DDX25: variants seen among roughly 807,000 people sequenced by gnomAD.
DDX25 encodes ATP-dependent RNA helicase DDX25.
DDX25 carries 70 observed loss-of-function variants against 64.6 expected under a neutral mutation model. The ratio of observed to expected loss-of-function variants is 1.08; its 90% CI spans 0.89 to 1.32. DDX25 has a LOEUF of 1.32. DDX25 is among the 40% of genes most tolerant of loss of function. The probability of loss-of-function intolerance (pLI) is 0.00; values close to 1 mark genes in which losing one functional copy is unlikely to be tolerated. For missense variants in DDX25, 587 were observed against 604.4 expected (o/e 0.97, Z 0.30); for synonymous variants, 211 against 213.3 (o/e 0.99, Z 0.09).
chr11:125,917,865 A>G (rs897683295), intron 9 of DDX25, among the ~76,000 whole-genome samples: 6 of 151,980 alleles, frequency 3.9e-5, no homozygotes, highest in Admixed American at 6.6e-5. Context: ...GTCTGTTTTT[A>G]ATTTTTAATT....
At chr11:125,917,782 A>G (rs139601384) in intron 9 of DDX25, among the ~76,000 whole-genome samples, 2,211 of 152,316 alleles carry the variant, frequency 0.015, 37 homozygotes, top group Middle Eastern at 0.048. Flanking sequence ...AATAAAAGAA[A>G]GCTCAGCTCT....
In DDX25 at chr11:125,923,911, A is replaced by G. The variant is rs999635218; in HGVS notation, c.*1030A>G. 6.6e-5 allele frequency: 10 copies of G among 152,108 alleles called. No homozygotes were observed. The highest frequency in any genetic ancestry group is 1.3e-4 in the Admixed American group (2 of 15,264). 9.4% of individuals were successfully genotyped at this position (152,108 alleles called of 1,614,324 possible). ...TGGTTCCTGGCATATCTATTTTGAT[A>G]TCCCTCTTCCATGTCACCCTGCCCA... On this transcript the variant is annotated 3_prime_UTR_variant, in exon 12 of 12. Transcript: ENST00000263576.
chr11:125,922,851 C>T lies in DDX25; in HGVS notation c.1422C>T (p.Asp474=). 6.2e-7 allele frequency: 1 copy of T among 1,609,804 alleles called. No individual in the cohort carries two copies. The highest frequency in any genetic ancestry group is 8.5e-7 in the Non-Finnish European group (1 of 1,177,754). Reference sequence around the variant, plus strand: ...GTATTAAGCAACTCAACGCTGAAGACATGGATGAAATTGAAAAGATTGACT... The same window carrying T: ...GTATTAAGCAACTCAACGCTGAAGATATGGATGAAATTGAAAAGATTGACT... ...NSSIKQLNAE[D]MDEIEKIDY The change falls in exon 12 of 12, where the codon GAC becomes GAT. Residue 474 remains aspartate (D), a synonymous_variant. Coordinates refer to ENST00000263576, the MANE Select transcript of DDX25 (RefSeq NM_013264.5).
At position 125,910,479 on chromosome 11, in the gene DDX25, G is replaced by C. The variant is rs935774889; in HGVS notation, c.622+1G>C. The C allele has an allele frequency of 1.2e-5, 19 of 1,613,554 alleles. No homozygotes were observed. Among genetic ancestry groups the C allele is most frequent in the Non-Finnish European group, 1.6e-5 (19 of 1,179,532 alleles). Reference sequence around the variant, plus strand: ...ATGTATGCCATTCGAGGGAATCGAAGTATGTACCAGTAAGCCAGTCCTGGC... The same window carrying C: ...ATGTATGCCATTCGAGGGAATCGAACTATGTACCAGTAAGCCAGTCCTGGC... On this transcript the variant is annotated splice_donor_variant, in intron 7 of 11. Coordinates refer to ENST00000263576, the MANE Select transcript of DDX25 (RefSeq NM_013264.5). LOFTEE classifies it high-confidence loss of function.
intron 4 of DDX25, among the ~76,000 whole-genome samples, chr11:125,907,471 G>A (rs549535827): frequency 3.2e-4 from 49 of 152,162 alleles, no homozygotes; most frequent in Admixed American, 7.2e-4. Flanking sequence ...AGCCAGGTGT[G>A]GTGGCGGGCG....
At chr11:125,917,522 T>G (rs370225327) in intron 9 of DDX25, among the ~76,000 whole-genome samples, 107 of 152,398 alleles carry the variant, frequency 7.0e-4, no homozygotes, top group African/African-American at 2.5e-3. Flanking sequence ...TTTCAGCTTA[T>G]GTTTATTGTA....
At chr11:125,918,605 T>C (rs1453631681) in intron 9 of DDX25, 23 bp from the exon 10 acceptor site, 1 of 1,603,240 alleles carries the variant, frequency 6.2e-7, no homozygotes, top group South Asian at 1.1e-5. Flanking sequence ...GGGTGCTGTG[T>C]TGGGTTTTGC....
At chr11:125,905,923 A>G (rs1285925404) in intron 3 of DDX25, 151 bp from the exon 4 acceptor site, 1 of 975,290 alleles carries the variant, frequency 1.0e-6, no homozygotes. Context: ...ACGAATCCTC[A>G]GTGCTATATC....
At chr11:125,912,340 C>T (rs945327686) in intron 8 of DDX25, among the ~76,000 whole-genome samples, 3 of 152,174 alleles carry the variant, frequency 2.0e-5, no homozygotes, top group African/African-American at 7.2e-5. Flanking sequence ...GTTACAGTAA[C>T]TGTCAGTATT....
intron 9 of DDX25, 123 bp downstream of exon 9, chr11:125,917,374 T>C (rs1297495809): frequency 6.9e-6 from 6 of 868,848 alleles, no homozygotes; most frequent in Non-Finnish European, 1.1e-5. Flanking sequence ...TCCAGTTTAA[T>C]CTTCAGAACA....
At chr11:125,917,956 GCAATCTCCGCCTCC>G (rs1478373818) in intron 9 of DDX25, among the ~76,000 whole-genome samples, 4 of 152,158 alleles carry the variant, frequency 2.6e-5, no homozygotes, top group African/African-American at 9.7e-5. Flanking sequence ...TCAGCTCACT[GCAATCTCCGCCTCC>G]TGGGTTCAAG....
Position 125,925,301 on chromosome 11 carries a change from A to C in DDX25, c.*2420A>C. 1 of 418,574 alleles carries C rather than the reference A, an allele frequency of 2.4e-6. No homozygotes were observed. The allele number at this position is 418,574 out of a possible 1,614,324, so 25.9% of individuals were successfully genotyped here. The stretch of plus-strand genomic sequence containing the variant: ...TTGGCAGCTGTTCCCACAGGTCTGC[A>C]TGAACCAGGTATTTTTCTGCGTTCC... On this transcript the variant is annotated 3_prime_UTR_variant, in exon 12 of 12. Transcript: ENST00000263576.
Position 125,917,159 on chromosome 11 carries a change from T to C in DDX25, c.946T>C (p.Tyr316His). ...CACACTGAACAACATCCGGCAATAT[T>C]ACGTGCTGTGTGAGCACAGGAAAGA... ...ELTLNNIRQY[Y>H]VLCEHRKDKY... The change falls in exon 9 of 12, where the codon TAC becomes CAC. Residue 316 changes from tyrosine (Y) to histidine (H), a missense_variant. Transcript: ENST00000263576. 1.9e-6 allele frequency: 3 copies of C among 1,611,472 alleles called. No individual in the cohort carries two copies. The highest frequency in any genetic ancestry group is 2.5e-6 in the Non-Finnish European group (3 of 1,179,000).
chr11:125,903,852 G>A (rs1944834498), upstream of DDX25, among the ~76,000 whole-genome samples: 2 of 152,134 alleles, frequency 1.3e-5, no homozygotes, highest in Non-Finnish European at 2.9e-5. Flanking sequence ...TTATGCAAAC[G>A]CATGTAGGAC....
At position 125,925,586 on chromosome 11, in the gene DDX25, C is replaced by A; in HGVS notation, c.*2705C>A. The A allele has an allele frequency of 2.5e-6, 1 of 405,168 alleles. No homozygotes were observed. Among genetic ancestry groups the A allele is most frequent in the Non-Finnish European group, 5.1e-6 (1 of 195,936 alleles). The allele number at this position is 405,168 out of a possible 1,614,324, so 25.1% of individuals were successfully genotyped here. A position where few individuals can be genotyped will look rare whatever the true frequency, so the allele number is the denominator to read the frequency against. On this transcript the variant is annotated 3_prime_UTR_variant, in exon 12 of 12. Coordinates refer to ENST00000263576, the MANE Select transcript of DDX25 (RefSeq NM_013264.5). ...AAGGAAACACCAGGTGATTTCAGTG[C>A]AACTGTGAGCTGGGTTCATCAGCTG...
intron 8 of DDX25, among the ~76,000 whole-genome samples, chr11:125,913,948 AAC>A (rs1945000771): frequency 1.3e-5 from 2 of 152,342 alleles, no homozygotes; most frequent in Admixed American, 6.5e-5. Flanking sequence ...TCATTAAAAT[AAC>A]ACAGTCATTG....
chr11:125,927,418 C>T lies in DDX25; in HGVS notation c.*4537C>T, dbSNP rs946224579. 1.3e-5 allele frequency: 2 copies of T among 152,224 alleles called. No individual in the cohort carries two copies. Among genetic ancestry groups the T allele is most frequent in the African/African-American group, 4.8e-5 (2 of 41,460 alleles). 9.4% of individuals were successfully genotyped at this position (152,224 alleles called of 1,614,324 possible). A position where few individuals can be genotyped will look rare whatever the true frequency, so the allele number is the denominator to read the frequency against. On this transcript the variant is annotated 3_prime_UTR_variant, in exon 12 of 12. Transcript: ENST00000263576. Reference sequence around the variant, plus strand: ...TCTCTCCCTCTTGTATTCAGAAGAACTGAAAGTTTTCATAAGTCTCTAGAG... The same window carrying T: ...TCTCTCCCTCTTGTATTCAGAAGAATTGAAAGTTTTCATAAGTCTCTAGAG...
Position 125,906,056 on chromosome 11 carries a change from T to C in DDX25, c.176-18T>C. On this transcript the variant is annotated intron_variant, in intron 3 of 11. Transcript: ENST00000263576. ...TTCAGGAAGCTTGATGTCCTCTTTT[T>C]TATTTTTGCTTTTCTAGTGGATTTG... 1 of 1,526,750 alleles carries C rather than the reference T, an allele frequency of 6.5e-7. No homozygotes were observed. Among genetic ancestry groups the C allele is most frequent in the Non-Finnish European group, 8.8e-7 (1 of 1,139,972 alleles). 94.6% of individuals were successfully genotyped at this position (1,526,750 alleles called of 1,614,324 possible).
chr11:125,914,526 A>T (rs58801592), intron 8 of DDX25, among the ~76,000 whole-genome samples: 2,748 of 152,176 alleles, frequency 0.018, 97 homozygotes, highest in African/African-American at 0.062. Flanking sequence ...TAAACATCTA[A>T]TCTTCTGCTT....
Sources: allele counts gnomAD v4.1 joint callset (sites outside exome capture counted in the v4.1 genomes callset), GRCh38; gene constraint gnomAD v4.1.1; transcripts MANE v1.5; gene names NCBI Gene and HGNC (gene_info 2026-07-23, HGNC 2026-07-21).